Variants in KIF4A observed in about 807,000 individuals in gnomAD.
KIF4A encodes kinesin family member 4A.
Under a neutral mutation model 105.9 loss-of-function variants are expected in KIF4A, and 7 were observed. The observed-to-expected ratio is 0.07, with a 90% CI of 0.04 to 0.12. The LOEUF is 0.12. Ranked by LOEUF, KIF4A falls within the 10% of genes least tolerant of loss-of-function variation. The probability of loss-of-function intolerance (pLI) is 1.00; values close to 1 mark genes in which losing one functional copy is unlikely to be tolerated. For synonymous variants in KIF4A, 281 were observed against 331.3 expected (o/e 0.85, Z 1.65); for missense variants, 558 against 929.2 (o/e 0.60, Z 5.19).
At chrX:70,304,895 C>T (rs887955779) in intron 7 of KIF4A, among the ~76,000 whole-genome samples, 1 of 111,176 alleles carries the variant, frequency 9.0e-6, no homozygotes, top group Non-Finnish European at 1.9e-5. Context: ...CTCCTGACCT[C>T]AAGTGATCCA....
In KIF4A at chrX:70,406,999, G is replaced by T. The variant is rs1319252752; in HGVS notation, c.3179G>T (p.Gly1060Val). Residue 1060 changes from glycine to valine, a missense_variant, in exon 28 of 31, where the codon GGT (glycine) becomes GTT (valine). By Grantham distance (109) the Gly-to-Val change is moderately radical. Transcript: ENST00000374403. The stretch of plus-strand genomic sequence containing the variant: ...GTGAATGAGCATGAGGATGGTGATG[G>T]TGATGATGATGAGGGGGATGACGAG... The part of the protein sequence containing the change: ...HSVNEHEDGD[G>V]DDDEGDDEEW... 8.3e-7 allele frequency: 1 copy of T among 1,208,650 alleles called. No homozygotes were observed. Among genetic ancestry groups the T allele is most frequent in the Admixed American group, 2.2e-5 (1 of 45,602 alleles).
chrX:70,374,773 G>A (rs939852130), intron 16 of KIF4A, among the ~76,000 whole-genome samples: 14 of 111,953 alleles, frequency 1.3e-4, no homozygotes, highest in African/African-American at 3.9e-4. Flanking sequence ...GACCTCTGCC[G>A]TATGGGCTAT....
chrX:70,356,797 CCCA>C (rs1164064635), intron 15 of KIF4A, among the ~76,000 whole-genome samples: 1 of 111,548 alleles, frequency 9.0e-6, no homozygotes, highest in Non-Finnish European at 1.9e-5. Flanking sequence ...GCTCTCTTAT[CCCA>C]CCACCTGTGC....
intron 11 of KIF4A, 111 bp downstream of exon 11, chrX:70,342,042 A>G: frequency 1.0e-6 from 1 of 997,853 alleles, no homozygotes; most frequent in Non-Finnish European, 1.4e-6. Context: ...AAAGAAATGT[A>G]TTTGTATTAC....
intron 28 of KIF4A, among the ~76,000 whole-genome samples, chrX:70,412,937 AAG>A (rs778926898): frequency 0.019 from 673 of 34,558 alleles, 2 homozygotes; most frequent in Non-Finnish European, 0.065. Flanking sequence ...AAAAAAAAAA[AAG>A]AAGGGCATTT....
Position 70,358,093 on chromosome X carries a change from AG to A in KIF4A, c.1674+4287del, listed in dbSNP as rs1454124384. 2.7e-5 allele frequency among the ~76,000 whole-genome samples: 3 copies of A among 110,399 alleles called. No homozygotes were observed. The East Asian group carries it at 8.6e-4, about 32-fold the overall frequency. The stretch of plus-strand genomic sequence containing the variant: ...GCCTGGCTAATTTTTTATTTTTTGT[AG>A]AGATGGGGTCTCACTATGTTGCTGA... On this transcript the variant is annotated intron_variant, in intron 15 of 30. Transcript: ENST00000374403.
At chrX:70,396,111 A>G (rs1396645361) in intron 22 of KIF4A, 62 bp downstream of exon 22, 3 of 822,906 alleles carry the variant, frequency 3.6e-6, no homozygotes, top group African/African-American at 4.1e-5. Context: ...AATTGAACCT[A>G]TTAATCTAGT....
At chrX:70,330,907 C>T (rs1461877057) in intron 9 of KIF4A, among the ~76,000 whole-genome samples, 1 of 111,755 alleles carries the variant, frequency 8.9e-6, no homozygotes, top group Non-Finnish European at 1.9e-5. Context: ...CATGTGTAGA[C>T]TTTTTATACA....
rs149300695 is a variant in KIF4A at position 70,417,991 on chromosome X, G to A, written c.3359G>A (p.Arg1120His). 3.5e-5 allele frequency: 42 copies of A among 1,205,203 alleles called. No individual in the cohort carries two copies. The South Asian group carries it at 5.7e-4, about 16-fold the overall frequency. Residue 1120 changes from arginine (R) to histidine (H), a missense_variant, in exon 29 of 31, where the codon CGC (arginine) becomes CAC (histidine). Around this residue, in one of 2 missense-constraint regions of KIF4A, gnomAD observed 469 missense variants for 680.4 expected, o/e 0.69. Transcript: ENST00000374403. ...CCCDPTKCRN[R>H]QQGKDSLGTV... ...TGTGACCCCACAAAGTGTCGGAACC[G>A]CCAGCAAGGCAAGGTAGGATCAGGG... is the stretch of plus-strand genomic sequence containing the variant.
At chrX:70,366,110 T>G (rs1173460549) in intron 15 of KIF4A, among the ~76,000 whole-genome samples, 5 of 112,076 alleles carry the variant, frequency 4.5e-5, no homozygotes, top group Non-Finnish European at 9.4e-5. Flanking sequence ...CATTTTTTAT[T>G]GCGTCCAGTC....
Position 70,402,552 on chromosome X carries a change from T to C in KIF4A, c.2490-14T>C. ...GGCTACTTGCAATAAGGCTTACTGT[T>C]TCTTTCCCTGAAGGAGTGCTCAGAT... On this transcript the variant is annotated splice_polypyrimidine_tract_variant and intron_variant, in intron 22 of 30. Transcript: ENST00000374403. 1 of 1,210,903 alleles carries C rather than the reference T, an allele frequency of 8.3e-7. No individual in the cohort carries two copies. The highest frequency in any genetic ancestry group is 1.1e-6 in the Non-Finnish European group (1 of 894,897).
At chrX:70,306,348 C>T (rs143264270) in intron 7 of KIF4A, among the ~76,000 whole-genome samples, 201 of 111,437 alleles carry the variant, frequency 1.8e-3, no homozygotes, top group Middle Eastern at 0.014. Flanking sequence ...CTTTCATTTC[C>T]ATATGAACAT....
intron 15 of KIF4A, among the ~76,000 whole-genome samples, chrX:70,371,229 C>T (rs1218167752): frequency 8.4e-5 from 6 of 71,282 alleles, no homozygotes; most frequent in Non-Finnish European, 1.6e-4. Context: ...TTCTAGACTT[C>T]GTTTTCTTTT....
At chrX:70,376,431 TGAA>T (rs2086175301) in intron 18 of KIF4A, among the ~76,000 whole-genome samples, 1 of 112,033 alleles carries the variant, frequency 8.9e-6, no homozygotes, top group Non-Finnish European at 1.9e-5. Flanking sequence ...GCTCTGCCCT[TGAA>T]GAATGTCTTA....
chrX:70,321,279 C>A (rs1442249065), intron 7 of KIF4A, among the ~76,000 whole-genome samples: 1 of 112,216 alleles, frequency 8.9e-6, no homozygotes, highest in Non-Finnish European at 1.9e-5. Context: ...CCCCAACACA[C>A]AATCAAACCA....
chrX:70,380,029 G>T (rs1450215979), intron 18 of KIF4A, among the ~76,000 whole-genome samples: 1 of 111,729 alleles, frequency 9.0e-6, no homozygotes, highest in Non-Finnish European at 1.9e-5. Flanking sequence ...TAGGCTGGGC[G>T]TGGTGACTCA....
chrX:70,361,882 G>C (rs765384067), intron 15 of KIF4A, among the ~76,000 whole-genome samples: 31 of 112,010 alleles, frequency 2.8e-4, no homozygotes, highest in African/African-American at 1.0e-3. Context: ...ACCCAATTCT[G>C]GCTCCGGAAG....
intron 18 of KIF4A, among the ~76,000 whole-genome samples, chrX:70,382,546 T>C (rs2086201157): frequency 8.9e-6 from 1 of 112,602 alleles, no homozygotes. Flanking sequence ...TCTTTGTGAC[T>C]TTGGATTAGA....
chrX:70,409,270 G>T (rs2086312091), intron 28 of KIF4A, among the ~76,000 whole-genome samples: 1 of 111,976 alleles, frequency 8.9e-6, no homozygotes, highest in Admixed American at 9.5e-5. Flanking sequence ...TACAGTCTTG[G>T]GAGCAACTGG....
Sources: allele counts gnomAD v4.1 joint callset (sites outside exome capture counted in the v4.1 genomes callset), GRCh38; gene constraint gnomAD v4.1.1; regional missense constraint gnomAD v4.1.1; transcripts MANE v1.5; gene names NCBI Gene and HGNC (gene_info 2026-07-23, HGNC 2026-07-21).